The following EEFSEC variants were observed in gnomAD, a reference collection of about 807,000 sequenced individuals.
The protein encoded by EEFSEC is selenocysteine-specific elongation factor.
EEFSEC carries 43 observed loss-of-function variants against 42.1 expected under a neutral mutation model. That is an observed-to-expected ratio of 1.02 (90% CI 0.80 to 1.32). The LOEUF (loss-of-function observed/expected upper bound fraction) is 1.32, where lower values mean the gene tolerates loss of function less well. Among genes scored for constraint, EEFSEC ranks in the 40% most tolerant of loss-of-function variants. EEFSEC has a pLI of 0.00. For missense variants in EEFSEC, 745 were observed against 803.6 expected, an observed-to-expected ratio of 0.93 and a Z score of 0.88; for synonymous variants, 354 against 339.1, an observed-to-expected ratio of 1.04 and a Z score of -0.48.
chr3:128,271,737 A>G (rs372566902), intron 4 of EEFSEC, among the ~76,000 whole-genome samples: 81 of 152,154 alleles, frequency 5.3e-4, no homozygotes, highest in African/African-American at 1.9e-3. Flanking sequence ...CGGGCCCTGC[A>G]GGGCCGCTTC....
At chr3:128,188,280 C>T (rs561962678) in intron 1 of EEFSEC, among the ~76,000 whole-genome samples, 7 of 152,260 alleles carry the variant, frequency 4.6e-5, no homozygotes, top group African/African-American at 1.7e-4. Flanking sequence ...GAAAGAGGTA[C>T]TTGGAACAGA....
intron 1 of EEFSEC, among the ~76,000 whole-genome samples, chr3:128,213,983 G>A (rs2065785067): frequency 6.6e-6 from 1 of 152,130 alleles, no homozygotes; most frequent in South Asian, 2.1e-4. Context: ...AACAAATCTG[G>A]AAGATATAAA....
intron 6 of EEFSEC, chr3:128,367,750 T>G: frequency 2.0e-6 from 2 of 985,442 alleles, no homozygotes; most frequent in Non-Finnish European, 2.4e-6. Context: ...CCCCACTGCC[T>G]GCCTGGCCAT....
At chr3:128,247,493 A>G (rs191947561) in intron 2 of EEFSEC, among the ~76,000 whole-genome samples, 63 of 152,328 alleles carry the variant, frequency 4.1e-4, no homozygotes, top group Non-Finnish European at 6.6e-4. Flanking sequence ...TCGATTATCA[A>G]AAGGGGAAGA....
intron 4 of EEFSEC, among the ~76,000 whole-genome samples, chr3:128,276,240 G>A (rs1443677355): frequency 6.6e-6 from 1 of 152,216 alleles, no homozygotes; most frequent in South Asian, 2.1e-4. Flanking sequence ...CTCAGCTGGG[G>A]GTTAGGGCGG....
At chr3:128,188,300 AG>A (rs1559860580) in intron 1 of EEFSEC, among the ~76,000 whole-genome samples, 1 of 152,090 alleles carries the variant, frequency 6.6e-6, no homozygotes, top group Non-Finnish European at 1.5e-5. Flanking sequence ...AATGGGTATG[AG>A]GTATGGGTGT....
chr3:128,230,523 G>C (rs148924644), intron 1 of EEFSEC, among the ~76,000 whole-genome samples: 123 of 152,248 alleles, frequency 8.1e-4, no homozygotes, highest in Non-Finnish European at 2.4e-4. Context: ...CTTTGTGAAT[G>C]ATAGCATTTG....
rs71615969 is a variant in EEFSEC, at chr3:128,176,981, G to GATTATTATTATT, written c.316+23177_316+23188dup. 2.2e-3 allele frequency among the ~76,000 whole-genome samples: 323 copies of GATTATTATTATT among 146,592 alleles called. 1 individual carries two copies. The highest frequency in any genetic ancestry group is 4.0e-3 in the African/African-American group (159 of 39,552). On this transcript the variant is annotated intron_variant, in intron 1 of 6. Transcript: ENST00000254730. ...TTCTGTAGTTTAAATGAACATACTG[G>GATTATTATTATT]ATTATTATTATTATTATTATTATTA...
At chr3:128,413,755 C>G in the EEFSEC span, among the ~76,000 whole-genome samples, 12 of 152,202 alleles carry the variant, frequency 7.9e-5, no homozygotes, top group African/African-American at 2.9e-4. Context: ...GGCCTCACCC[C>G]CCAAGGTCAT....
intron 6 of EEFSEC, among the ~76,000 whole-genome samples, chr3:128,369,388 G>A (rs2067627231): frequency 1.3e-5 from 2 of 152,202 alleles, no homozygotes; most frequent in Admixed American, 6.5e-5. Flanking sequence ...CTTTTAAAAT[G>A]TGCTCTCTCC....
At chr3:128,253,222 CA>C in intron 2 of EEFSEC, among the ~76,000 whole-genome samples, 2 of 152,334 alleles carry the variant, frequency 1.3e-5, no homozygotes, top group South Asian at 4.1e-4. Context: ...TGGAATTCCC[CA>C]TGCACGTTCC....
chr3:128,287,488 C>T (rs896208094), intron 4 of EEFSEC, among the ~76,000 whole-genome samples: 3 of 152,184 alleles, frequency 2.0e-5, no homozygotes, highest in African/African-American at 7.2e-5. Context: ...CTTAAGGCCT[C>T]AACATGCACT....
intron 4 of EEFSEC, among the ~76,000 whole-genome samples, chr3:128,299,988 C>CT (rs1386481383): frequency 6.6e-6 from 1 of 152,192 alleles, no homozygotes; most frequent in Non-Finnish European, 1.5e-5. Context: ...AGCCCTGTGG[C>CT]TTTCTTTGGT....
chr3:128,183,269 A>G (rs2065430495), intron 1 of EEFSEC, among the ~76,000 whole-genome samples: 9 of 152,212 alleles, frequency 5.9e-5, no homozygotes, highest in Admixed American at 5.9e-4. Flanking sequence ...TAATCCTGAT[A>G]AACCTCTAAT....
At chr3:128,327,826 A>G (rs972640162) in intron 4 of EEFSEC, among the ~76,000 whole-genome samples, 3 of 152,164 alleles carry the variant, frequency 2.0e-5, no homozygotes, top group Non-Finnish European at 4.4e-5. Context: ...CTGGCAGTAC[A>G]TGGAGGAGGG....
chr3:128,201,923 T>C (rs891281296), intron 1 of EEFSEC, among the ~76,000 whole-genome samples: 5 of 152,232 alleles, frequency 3.3e-5, no homozygotes, highest in Non-Finnish European at 7.3e-5. Context: ...TCCGTATGGC[T>C]ATTCATTTAT....
At chr3:128,243,932 G>A (rs2066100197) in intron 1 of EEFSEC, among the ~76,000 whole-genome samples, 2 of 152,174 alleles carry the variant, frequency 1.3e-5, no homozygotes, top group Admixed American at 1.3e-4. Flanking sequence ...CTAAAGCCTC[G>A]ACTTCCTCAT....
intron 6 of EEFSEC, among the ~76,000 whole-genome samples, chr3:128,363,696 C>T (rs971790830): frequency 2.0e-5 from 3 of 152,196 alleles, no homozygotes; most frequent in African/African-American, 7.2e-5. Context: ...TTATGCCCAT[C>T]AGTGTGCCAT....
At chr3:128,286,096 C>T (rs777633901) in intron 4 of EEFSEC, among the ~76,000 whole-genome samples, 3 of 152,238 alleles carry the variant, frequency 2.0e-5, no homozygotes, top group Non-Finnish European at 2.9e-5. Context: ...GCTTGCTCTT[C>T]GCATTCAGCA....
Sources: allele counts gnomAD v4.1 joint callset (sites outside exome capture counted in the v4.1 genomes callset), GRCh38; gene constraint gnomAD v4.1.1; transcripts MANE v1.5; gene names NCBI Gene and HGNC (gene_info 2026-07-23, HGNC 2026-07-21).